PDE3A: variants seen among roughly 807,000 people sequenced by gnomAD.
The protein encoded by PDE3A is cGMP-inhibited 3',5'-cyclic phosphodiesterase 3A.
PDE3A carries 43 observed loss-of-function variants against 98.3 expected under a neutral mutation model. The observed-to-expected ratio is 0.44, with a 90% CI of 0.34 to 0.56. PDE3A has a LOEUF of 0.56. PDE3A is among the 20% of genes least tolerant of loss of function. The pLI is 0.01. For missense variants in PDE3A, 1,427 were observed against 1,440.7 expected (o/e 0.99, Z 0.15); for synonymous variants, 663 against 567.9 (o/e 1.17, Z -2.38).
At chr12:20,584,231 A>AAGTT (rs1943138603) in intron 2 of PDE3A, among the ~76,000 whole-genome samples, 2 of 152,216 alleles carry the variant, frequency 1.3e-5, no homozygotes, top group African/African-American at 4.8e-5. Context: ...GTTCATTAGA[A>AAGTT]AGTTACAAAT....
chr12:20,409,449 T>G (rs1355140082), intron 1 of PDE3A, among the ~76,000 whole-genome samples: 1 of 152,176 alleles, frequency 6.6e-6, no homozygotes, highest in African/African-American at 2.4e-5. Flanking sequence ...AGAAAATAAT[T>G]TTTACCTACA....
intron 2 of PDE3A, among the ~76,000 whole-genome samples, chr12:20,596,145 T>C (rs1054265478): frequency 7.2e-5 from 11 of 152,202 alleles, no homozygotes; most frequent in Non-Finnish European, 1.0e-4. Flanking sequence ...GGTATTACCA[T>C]ACAAACACTC....
chr12:20,525,472 G>T (rs966584269), intron 1 of PDE3A, among the ~76,000 whole-genome samples: 1 of 147,700 alleles, frequency 6.8e-6, no homozygotes, highest in African/African-American at 2.5e-5. Context: ...TTGGTTGGGG[G>T]GGGGGGCTTT....
chr12:20,409,909 G>A (rs569561246), intron 1 of PDE3A, among the ~76,000 whole-genome samples: 20 of 152,272 alleles, frequency 1.3e-4, no homozygotes, highest in African/African-American at 4.6e-4. Context: ...AGCTCTGCAA[G>A]TTTGTTGAGT....
At chr12:20,421,122 A>G (rs1944505113) in intron 1 of PDE3A, among the ~76,000 whole-genome samples, 1 of 152,180 alleles carries the variant, frequency 6.6e-6, no homozygotes, top group African/African-American at 2.4e-5. Context: ...TATATTAGAC[A>G]AAACCATGTT....
intron 2 of PDE3A, among the ~76,000 whole-genome samples, chr12:20,582,558 GATAA>G (rs1167163098): frequency 2.6e-5 from 4 of 152,068 alleles, no homozygotes; most frequent in East Asian, 1.9e-4. Flanking sequence ...AAATTATAGT[GATAA>G]ATATATATAC....
chr12:20,466,044 C>T (rs543695872), intron 1 of PDE3A, among the ~76,000 whole-genome samples: 1 of 152,250 alleles, frequency 6.6e-6, no homozygotes, highest in African/African-American at 2.4e-5. Flanking sequence ...AACCTGACCC[C>T]CTGGCCCATT....
At chr12:20,573,716 C>G (rs1942859278) in intron 2 of PDE3A, among the ~76,000 whole-genome samples, 1 of 151,990 alleles carries the variant, frequency 6.6e-6, no homozygotes, top group Admixed American at 6.6e-5. Context: ...TATACTGATG[C>G]TAATTATGAT....
chr12:20,383,234 C>G (rs1341104062), intron 1 of PDE3A, among the ~76,000 whole-genome samples: 2 of 151,746 alleles, frequency 1.3e-5, no homozygotes, highest in African/African-American at 4.8e-5. Flanking sequence ...GACTTGTACT[C>G]TAGCTGCCAT....
At chr12:20,511,462 G>T (rs979790021) in intron 1 of PDE3A, among the ~76,000 whole-genome samples, 2 of 150,752 alleles carry the variant, frequency 1.3e-5, no homozygotes, top group Non-Finnish European at 3.0e-5. Context: ...ACACACGATG[G>T]TGATATGTCA....
chr12:20,379,960 G>T (rs1360563926), intron 1 of PDE3A, among the ~76,000 whole-genome samples: 2 of 151,498 alleles, frequency 1.3e-5, no homozygotes, highest in Non-Finnish European at 3.0e-5. Flanking sequence ...GTAAACCTTT[G>T]AAAAATTTCT....
intron 15 of PDE3A, among the ~76,000 whole-genome samples, chr12:20,666,932 G>A (rs1945329330): frequency 6.6e-6 from 1 of 152,052 alleles, no homozygotes; most frequent in Admixed American, 6.6e-5. Context: ...ATCCTTGCCA[G>A]CATCTGTTGT....
At chr12:20,583,299 C>G (rs905999528) in intron 2 of PDE3A, among the ~76,000 whole-genome samples, 3 of 152,128 alleles carry the variant, frequency 2.0e-5, no homozygotes, top group African/African-American at 7.2e-5. Context: ...TTAAATCTCT[C>G]ACAATGTCTG....
chr12:20,549,771 T>G (rs552527331), intron 1 of PDE3A, among the ~76,000 whole-genome samples: 1 of 152,290 alleles, frequency 6.6e-6, no homozygotes, highest in East Asian at 1.9e-4. Flanking sequence ...GAAAAGAATT[T>G]CTTTGCCCTG....
rs1565532689 is a variant in PDE3A at position 20,386,172 on chromosome 12, A to AT, written c.960+15928_960+15929insT. Among the ~76,000 whole-genome samples, 63 of 47,106 alleles carry AT rather than the reference A, an allele frequency of 1.3e-3. 1 individual carries two copies. The highest frequency in any genetic ancestry group is 3.1e-3 in the African/African-American group (35 of 11,196). 30.9% of individuals were successfully genotyped at this position (47,106 alleles called of 152,430 possible). ...ATATATAAATATATATAAATATATA[A>AT]AAATATATATAAATATATATAAATA... On this transcript the variant is annotated intron_variant, in intron 1 of 15. Transcript: ENST00000359062.
intron 15 of PDE3A, 25 bp from the exon 16 acceptor site, chr12:20,680,005 G>T: frequency 6.5e-7 from 1 of 1,549,396 alleles, no homozygotes; most frequent in South Asian, 1.2e-5. Flanking sequence ...GTCTGATTTG[G>T]TGTTTTTTAT....
intron 1 of PDE3A, among the ~76,000 whole-genome samples, chr12:20,466,633 A>G (rs1233446983): frequency 6.6e-6 from 1 of 152,152 alleles, no homozygotes; most frequent in African/African-American, 2.4e-5. Flanking sequence ...ATAAAAGGCA[A>G]TTTTGTCTCT....
intron 1 of PDE3A, among the ~76,000 whole-genome samples, chr12:20,439,308 T>C (rs1944829792): frequency 6.6e-6 from 1 of 152,210 alleles, no homozygotes; most frequent in Admixed American, 6.5e-5. Context: ...AATTTACTTT[T>C]TCCTAACATT....
intron 1 of PDE3A, among the ~76,000 whole-genome samples, chr12:20,375,434 T>C (rs985752110): frequency 6.6e-6 from 1 of 151,962 alleles, no homozygotes; most frequent in Admixed American, 6.6e-5. Context: ...TGATATAAAA[T>C]ATACAGATTT....
Sources: allele counts gnomAD v4.1 joint callset (sites outside exome capture counted in the v4.1 genomes callset), GRCh38; gene constraint gnomAD v4.1.1; transcripts MANE v1.5; gene names NCBI Gene and HGNC (gene_info 2026-07-23, HGNC 2026-07-21).